TMEM38B: variants seen among roughly 807,000 people sequenced by gnomAD.
TMEM38B encodes the protein trimeric intracellular cation channel type B.
Under a neutral mutation model 28.7 loss-of-function variants are expected in TMEM38B, and 24 were observed. The observed-to-expected ratio is 0.84, with a 90% confidence interval of 0.61 to 1.18. The LOEUF (loss-of-function observed/expected upper bound fraction) is 1.18. Ranked by LOEUF, TMEM38B falls within the 50% of genes most tolerant of loss-of-function variation. TMEM38B has a pLI of 0.00. For synonymous variants in TMEM38B, 131 were observed against 127.7 expected, an observed-to-expected ratio of 1.03 and a Z score of -0.17; for missense variants, 380 against 350.9, an observed-to-expected ratio of 1.08 and a Z score of -0.66.
chr9:105,723,154 C>A (rs900813241), intron 4 of TMEM38B, among the ~76,000 whole-genome samples: 6 of 152,016 alleles, frequency 3.9e-5, no homozygotes, highest in African/African-American at 1.4e-4. Flanking sequence ...AGAGAAATAA[C>A]CCATTGTGTG....
intron 2 of TMEM38B, among the ~76,000 whole-genome samples, chr9:105,708,974 A>G (rs1028586740): frequency 1.1e-4 from 17 of 149,064 alleles, no homozygotes; most frequent in Non-Finnish European, 2.2e-4. Context: ...AGGTCTCACT[A>G]TGTTTCCCAC....
chr9:105,761,171 G>T (rs1186623002), intron 5 of TMEM38B, among the ~76,000 whole-genome samples: 7 of 152,154 alleles, frequency 4.6e-5, no homozygotes, highest in Non-Finnish European at 1.5e-5. Flanking sequence ...TTGTTTCTAA[G>T]TATAAGAATG....
chr9:105,744,564 T>G (rs557721059), intron 4 of TMEM38B, among the ~76,000 whole-genome samples: 58 of 151,560 alleles, frequency 3.8e-4, no homozygotes, highest in African/African-American at 1.4e-3. Context: ...TGTAATTTCT[T>G]TTTTTTATTT....
intron 5 of TMEM38B, among the ~76,000 whole-genome samples, chr9:105,767,627 G>A (rs1826418229): frequency 6.6e-6 from 1 of 152,062 alleles, no homozygotes; most frequent in African/African-American, 2.4e-5. Flanking sequence ...CTATTTTGTG[G>A]TCTTCATTGT....
intron 5 of TMEM38B, among the ~76,000 whole-genome samples, chr9:105,770,082 A>G (rs1047419234): frequency 6.6e-6 from 1 of 152,284 alleles, no homozygotes; most frequent in East Asian, 1.9e-4. Flanking sequence ...TACATTGAAT[A>G]AGGTGTAATG....
At chr9:105,732,773 G>C (rs1836805783) in intron 4 of TMEM38B, among the ~76,000 whole-genome samples, 1 of 152,172 alleles carries the variant, frequency 6.6e-6, no homozygotes, top group Admixed American at 6.6e-5. Flanking sequence ...TTTTGCTTAG[G>C]ATTGTCTTGG....
At chr9:105,751,257 A>G (rs970858755) in intron 5 of TMEM38B, among the ~76,000 whole-genome samples, 10 of 152,224 alleles carry the variant, frequency 6.6e-5, no homozygotes, top group Non-Finnish European at 1.2e-4. Context: ...GTGGGGGACC[A>G]TGGCCCACCT....
intron 4 of TMEM38B, among the ~76,000 whole-genome samples, chr9:105,734,754 G>C (rs1460211991): frequency 6.6e-6 from 1 of 151,600 alleles, no homozygotes; most frequent in East Asian, 1.9e-4. Context: ...ACCCACCTCT[G>C]CTCTTTTTTG....
rs1186460647 is a variant in TMEM38B at position 105,774,092 on chromosome 9, G to A, written c.*12G>A. On this transcript the variant is annotated 3_prime_UTR_variant, in exon 6 of 6. Coordinates refer to ENST00000374692, the MANE Select transcript of TMEM38B (RefSeq NM_018112.3). ...AGAAGAATGAATAAATTTACGTGAT[G>A]AGCTCTACAAGGCCAAAAATTTTTT... is the stretch of plus-strand genomic sequence containing the variant. 3 of 1,612,112 alleles carry A rather than the reference G, an allele frequency of 1.9e-6. No homozygotes were observed. The highest frequency in any genetic ancestry group is 1.3e-5 in the African/African-American group (1 of 74,786).
intron 2 of TMEM38B, among the ~76,000 whole-genome samples, chr9:105,712,313 C>G (rs531752164): frequency 9.8e-4 from 150 of 152,308 alleles, no homozygotes; most frequent in African/African-American, 3.1e-3. Context: ...TCACTCAGTG[C>G]TTATCCTTAG....
At chr9:105,711,595 C>T (rs1445901142) in intron 2 of TMEM38B, among the ~76,000 whole-genome samples, 18 of 152,182 alleles carry the variant, frequency 1.2e-4, no homozygotes, top group Admixed American at 1.2e-3. Flanking sequence ...CCTGTAATCC[C>T]AGCACTTTGG....
chr9:105,755,433 A>G (rs921542508), intron 5 of TMEM38B, among the ~76,000 whole-genome samples: 14 of 152,154 alleles, frequency 9.2e-5, no homozygotes, highest in Non-Finnish European at 1.9e-4. Flanking sequence ...CATCCTGTAC[A>G]TGTACCCCGA....
chr9:105,722,137 GATCATTGAACT>G (rs1836341220), intron 3 of TMEM38B, among the ~76,000 whole-genome samples: 1 of 152,094 alleles, frequency 6.6e-6, no homozygotes, highest in South Asian at 2.1e-4. Flanking sequence ...ATGGGTTCAT[GATCATTGAACT>G]TTACATCACT....
intron 5 of TMEM38B, among the ~76,000 whole-genome samples, chr9:105,757,960 T>G (rs1444106581): frequency 6.6e-6 from 1 of 152,254 alleles, no homozygotes. Flanking sequence ...GTTAACTCTA[T>G]TTTTAGGTAT....
In TMEM38B at chr9:105,774,112, T is replaced by A. The variant is rs539803376; in HGVS notation, c.*32T>A. The A allele has an allele frequency of 4.4e-6, 7 of 1,590,012 alleles. No homozygotes were observed. In the Admixed American group the frequency reaches 5.2e-5, roughly 12 times the overall value. Reference sequence around the variant, plus strand: ...GTGATGAGCTCTACAAGGCCAAAAATTTTTTTTCTTATCTACCTGTTATAT... The same window carrying A: ...GTGATGAGCTCTACAAGGCCAAAAAATTTTTTTCTTATCTACCTGTTATAT... On this transcript the variant is annotated 3_prime_UTR_variant, in exon 6 of 6. Transcript: ENST00000374692.
chr9:105,763,754 G>A (rs1302898164), intron 5 of TMEM38B, among the ~76,000 whole-genome samples: 3 of 152,002 alleles, frequency 2.0e-5, no homozygotes, highest in South Asian at 2.1e-4. Context: ...ATCCTGATAC[G>A]AAAGCTGGGC....
intron 2 of TMEM38B, chr9:105,710,724 G>A (rs1014661638): frequency 1.9e-5 from 12 of 620,192 alleles, no homozygotes; most frequent in East Asian, 7.5e-5. Context: ...ACCTGGTGTC[G>A]TTGGCTATGT....
rs1455908059 is a variant in TMEM38B, at chr9:105,776,299, A to G, written c.*2219A>G. On this transcript the variant is annotated 3_prime_UTR_variant, in exon 6 of 6. Coordinates refer to ENST00000374692, the MANE Select transcript of TMEM38B (RefSeq NM_018112.3). ...CAAATGAATATCAAACTGGTTTATC[A>G]GATTAGTCACTCTTCCTTACTGAGG... The G allele has an allele frequency of 6.6e-6, 1 of 152,142 alleles. No homozygotes were observed. Among genetic ancestry groups the G allele is most frequent in the African/African-American group, 2.4e-5 (1 of 41,442 alleles). The allele number at this position is 152,142 out of a possible 1,614,324, so 9.4% of individuals were successfully genotyped here. A position where few individuals can be genotyped will look rare whatever the true frequency, so the allele number is the denominator to read the frequency against.
At position 105,713,191 on chromosome 9, in the gene TMEM38B, G is replaced by A. The variant is rs567963907; in HGVS notation, c.269+7438G>A. 1.5e-3 allele frequency among the ~76,000 whole-genome samples: 234 copies of A among 152,286 alleles called. 2 individuals carry two copies. The highest frequency in any genetic ancestry group is 5.4e-3 in the African/African-American group (226 of 41,570). Reference sequence around the variant, plus strand: ...CCAGGAGTAGGCAGTAGAGGGCAGGGCTGCAGCCTTCAAGTAGTGGCTGCA... The same window carrying A: ...CCAGGAGTAGGCAGTAGAGGGCAGGACTGCAGCCTTCAAGTAGTGGCTGCA... On this transcript the variant is annotated intron_variant, in intron 2 of 5. Transcript: ENST00000374692.
Sources: gnomAD v4.1 joint callset for allele counts (sites outside exome capture counted in the v4.1 genomes callset) on GRCh38, gnomAD v4.1.1 for gene constraint, MANE v1.5 for transcripts, NCBI Gene and HGNC (gene_info 2026-07-23, HGNC 2026-07-21) for gene names.